Variants in MSI2 observed in about 807,000 individuals in gnomAD.
MSI2 encodes RNA-binding protein Musashi homolog 2.
MSI2 carries 17 observed loss-of-function variants against 45.6 expected under a neutral mutation model. The observed-to-expected ratio is 0.37, with a 90% CI of 0.26 to 0.56. MSI2 has a LOEUF of 0.56. Among genes scored for constraint, MSI2 ranks in the 20% least tolerant of loss-of-function variants. MSI2 has a pLI of 0.77. For synonymous variants in MSI2, 156 were observed against 158.2 expected, an observed-to-expected ratio of 0.99 and a Z score of 0.11; for missense variants, 293 against 444.2, an observed-to-expected ratio of 0.66 and a Z score of 3.06.
At chr17:57,618,576 G>A (rs961907555) in intron 9 of MSI2, among the ~76,000 whole-genome samples, 1 of 152,072 alleles carries the variant, frequency 6.6e-6, no homozygotes, top group Admixed American at 6.5e-5. Flanking sequence ...ATGGAGTCTC[G>A]CTCTGTCGCC....
At chr17:57,530,125 A>C (rs2086790623) in intron 7 of MSI2, among the ~76,000 whole-genome samples, 1 of 152,214 alleles carries the variant, frequency 6.6e-6, no homozygotes, top group Admixed American at 6.5e-5. Context: ...TGTCAATCTA[A>C]AGAGCCAAAA....
intron 7 of MSI2, among the ~76,000 whole-genome samples, chr17:57,564,027 G>A (rs773408707): frequency 2.6e-5 from 4 of 152,160 alleles, no homozygotes; most frequent in African/African-American, 4.8e-5. Context: ...TGAATAGGAC[G>A]TCCTTTATGG....
In MSI2 at chr17:57,529,007, A is replaced by G. The variant is rs1034195398; in HGVS notation, c.406-669A>G. Among the ~76,000 whole-genome samples, 4 of 152,244 alleles carry G rather than the reference A, an allele frequency of 2.6e-5. No homozygotes were observed. Among genetic ancestry groups the G allele is most frequent in the Non-Finnish European group, 4.4e-5 (3 of 68,044 alleles). On this transcript the variant is annotated intron_variant, in intron 6 of 13. Coordinates refer to ENST00000284073, the MANE Select transcript of MSI2 (RefSeq NM_138962.4). The surrounding 1 kb of genome is among the most constrained non-coding windows in gnomAD (Gnocchi z 5.3). The stretch of plus-strand genomic sequence containing the variant: ...CTGGGAAATATGCATCGGTCAAGAT[A>G]GTAGTATACATGATATACTAACCTG...
intron 6 of MSI2, among the ~76,000 whole-genome samples, chr17:57,431,985 C>A (rs2084604010): frequency 6.6e-6 from 1 of 152,192 alleles, no homozygotes; most frequent in South Asian, 2.1e-4. Flanking sequence ...TGCTCTGTCC[C>A]TTTGCAGCAC....
chr17:57,358,411 A>G (rs558550373), intron 5 of MSI2, among the ~76,000 whole-genome samples: 1 of 152,248 alleles, frequency 6.6e-6, no homozygotes, highest in South Asian at 2.1e-4. Flanking sequence ...CGTCCATTTG[A>G]AGGAAGGAAG....
chr17:57,447,300 C>T (rs568212288), intron 6 of MSI2, among the ~76,000 whole-genome samples: 1 of 152,284 alleles, frequency 6.6e-6, no homozygotes, highest in Non-Finnish European at 1.5e-5. Flanking sequence ...TATGATACCT[C>T]CCTATGTTGC....
At chr17:57,428,489 C>A (rs2084535301) in intron 6 of MSI2, among the ~76,000 whole-genome samples, 1 of 152,132 alleles carries the variant, frequency 6.6e-6, no homozygotes, top group Admixed American at 6.5e-5. Flanking sequence ...ACTGCAGCCT[C>A]AAACTCCTGG....
rs1907247721 is a variant in MSI2, at chr17:57,612,204, A to G, written c.538-3766A>G. Among the ~76,000 whole-genome samples, 4 of 95,218 alleles carry G rather than the reference A, an allele frequency of 4.2e-5. 2 individuals carry two copies. The South Asian group carries it at 1.6e-3, about 37-fold the overall frequency. 62.5% of individuals were successfully genotyped at this position (95,218 alleles called of 152,430 possible). On this transcript the variant is annotated intron_variant, in intron 8 of 13. Transcript: ENST00000284073. The stretch of plus-strand genomic sequence containing the variant: ...GCGAGGGGCAGGTTGATGTGTGAGT[A>G]CTTGCATTCATCTTAGGAGAACAAG...
chr17:57,390,528 A>G (rs1183168363), intron 5 of MSI2, among the ~76,000 whole-genome samples: 1 of 152,230 alleles, frequency 6.6e-6, no homozygotes, highest in Non-Finnish European at 1.5e-5. Context: ...TGGATTAGGT[A>G]AAACTTGCTC....
chr17:57,483,599 A>T (rs1290304375), intron 6 of MSI2, among the ~76,000 whole-genome samples: 1 of 152,130 alleles, frequency 6.6e-6, no homozygotes. Flanking sequence ...CTGATGAGGG[A>T]AAGACTAAAA....
intron 11 of MSI2, among the ~76,000 whole-genome samples, chr17:57,661,164 G>C (rs527280040): frequency 2.6e-5 from 4 of 152,332 alleles, no homozygotes; most frequent in Admixed American, 2.6e-4. Context: ...TAGGGGCTGG[G>C]GTGGGCTGCA....
chr17:57,557,426 C>A (rs533003970), intron 7 of MSI2, among the ~76,000 whole-genome samples: 1 of 152,254 alleles, frequency 6.6e-6, no homozygotes, highest in East Asian at 1.9e-4. Context: ...CCCCCTTTCC[C>A]GCTCCTGCCA....
At chr17:57,450,216 T>C (rs969559379) in intron 6 of MSI2, 4 of 132,506 alleles carry the variant, frequency 3.0e-5, no homozygotes, top group African/African-American at 1.3e-4. Flanking sequence ...TATTTCCTTC[T>C]GGGGCTGGAG....
At chr17:57,467,739 G>A (rs572082390) in intron 6 of MSI2, among the ~76,000 whole-genome samples, 2 of 152,202 alleles carry the variant, frequency 1.3e-5, no homozygotes, top group East Asian at 1.9e-4. Context: ...AGGGAATCCC[G>A]ACAGTCTTCC....
intron 6 of MSI2, among the ~76,000 whole-genome samples, chr17:57,512,690 C>T (rs774500040): frequency 5.9e-5 from 9 of 152,306 alleles, no homozygotes; most frequent in African/African-American, 1.4e-4. Context: ...TGGCAGGACA[C>T]GGCTGCCTCC....
At chr17:57,583,463 T>G (rs1049284544) in intron 7 of MSI2, among the ~76,000 whole-genome samples, 1 of 150,846 alleles carries the variant, frequency 6.6e-6, no homozygotes, top group African/African-American at 2.4e-5. Flanking sequence ...TTAGGCATTA[T>G]ACTTTTTTCC....
intron 6 of MSI2, among the ~76,000 whole-genome samples, chr17:57,466,710 A>G (rs1304087847): frequency 1.3e-5 from 2 of 152,376 alleles, no homozygotes; most frequent in Non-Finnish European, 2.9e-5. Context: ...TAAAATATTC[A>G]GGAGTGTCCC....
chr17:57,472,889 T>C (rs1289117019), intron 6 of MSI2, among the ~76,000 whole-genome samples: 1 of 151,894 alleles, frequency 6.6e-6, no homozygotes, highest in Non-Finnish European at 1.5e-5. Context: ...GCCACTTTTC[T>C]TTTCTTTCTT....
intron 11 of MSI2, among the ~76,000 whole-genome samples, chr17:57,661,341 C>G (rs973861845): frequency 6.6e-6 from 1 of 152,198 alleles, no homozygotes; most frequent in African/African-American, 2.4e-5. Context: ...AGACATGACA[C>G]AGGGCCTGGA....
Sources: allele counts gnomAD v4.1 joint callset (sites outside exome capture counted in the v4.1 genomes callset), GRCh38; gene constraint gnomAD v4.1.1; non-coding constraint Gnocchi (gnomAD v3.1); transcripts MANE v1.5; gene names NCBI Gene and HGNC (gene_info 2026-07-23, HGNC 2026-07-21).